GPR75: variants seen among roughly 807,000 people sequenced by gnomAD.
GPR75 encodes G protein-coupled receptor 75.
In GPR75, 27 loss-of-function variants were observed where a neutral mutation model predicts 26.0. The observed-to-expected ratio is 1.04, with a 90% CI of 0.77 to 1.43. GPR75 has a LOEUF of 1.43. Among genes scored for constraint, GPR75 ranks in the 40% most tolerant of loss-of-function variants. GPR75 has a pLI of 0.00. For missense variants in GPR75, 699 were observed against 662.3 expected (o/e 1.06, Z -0.61); for synonymous variants, 285 against 256.3 (o/e 1.11, Z -1.07).
intron 1 of GPR75, among the ~76,000 whole-genome samples, chr2:53,856,946 A>ATTTTTTTTTTTTTTTTT (rs10665107): frequency 2.5e-5 from 2 of 78,928 alleles, no homozygotes; most frequent in African/African-American, 5.0e-5. Context: ...GAGAAAGACA[A>ATTTTTTTTTTTTTTTTT]TTTTTTTTTT....
chr2:53,856,926 C>G (rs896891489), intron 1 of GPR75, among the ~76,000 whole-genome samples: 3 of 146,136 alleles, frequency 2.1e-5, no homozygotes, highest in African/African-American at 7.5e-5. Flanking sequence ...ACTTTTGATA[C>G]CTATATAATG....
Position 53,853,087 on chromosome 2 carries a change from A to G in GPR75, c.*47T>C. ...TCAAGTTAGAATAAAGTCCATTACT[A>G]TCAGAAACAAAAACTGTTTACATAA... On this transcript the variant is annotated 3_prime_UTR_variant, in exon 2 of 2. Transcript: ENST00000394705. 7.3e-7 allele frequency: 1 copy of G among 1,378,658 alleles called. No homozygotes were observed. Among genetic ancestry groups the G allele is most frequent in the Non-Finnish European group, 1.0e-6 (1 of 991,022 alleles). 85.4% of individuals were successfully genotyped at this position (1,378,658 alleles called of 1,614,324 possible). A position where few individuals can be genotyped will look rare whatever the true frequency, so the allele number is the denominator to read the frequency against.
chr2:53,854,782 C>G lies in GPR75; in HGVS notation c.-26G>C. On this transcript the variant is annotated 5_prime_UTR_variant, in exon 2 of 2. Transcript: ENST00000394705. ...TTTCGGAGAGAAATGTCTCCTTCTTCTGCTCCCCAAAAATACTCAGTGAGT... is the reference window on the plus strand; with the variant it reads ...TTTCGGAGAGAAATGTCTCCTTCTTGTGCTCCCCAAAAATACTCAGTGAGT... 1 of 1,587,064 alleles carries G rather than the reference C, an allele frequency of 6.3e-7. No individual in the cohort carries two copies. The highest frequency in any genetic ancestry group is 8.6e-7 in the Non-Finnish European group (1 of 1,162,196).
Position 53,854,095 on chromosome 2 carries a change from G to C in GPR75, c.662C>G (p.Ser221Cys), listed in dbSNP as rs1257326632. ...FTFCVAVVSV[S>C]YIMIAQTLRK... ...CAGGGTCTGAGCAATCATGATGTAA[G>C]AGACAGAGACCACAGCAACACAGAA... is the stretch of plus-strand genomic sequence containing the variant. Residue 221 changes from serine to cysteine, a missense_variant, in exon 2 of 2, where the codon TCT becomes TGT. By Grantham distance (112) the Ser-to-Cys change is moderately radical. Transcript: ENST00000394705. 1.9e-6 allele frequency: 3 copies of C among 1,614,204 alleles called. No individual in the cohort carries two copies. Among genetic ancestry groups the C allele is most frequent in the African/African-American group, 2.7e-5 (2 of 75,048 alleles).
Position 53,853,925 on chromosome 2 carries a change from T to C in GPR75, c.832A>G (p.Asn278Asp). 1 of 1,614,006 alleles carries C rather than the reference T, an allele frequency of 6.2e-7. No individual in the cohort carries two copies. Among genetic ancestry groups the C allele is most frequent in the South Asian group, 1.1e-5 (1 of 91,074 alleles). ...CGGGTCTGAACGTGCTGCAGTTTGT[T>C]GTAATTCTGGTTCCTATACAGAGCC... ...MPALYRNQNY[N>D]KLQHVQTRGY... The change falls in exon 2 of 2, where the codon AAC becomes GAC. Residue 278 changes from asparagine to aspartate, a missense_variant. Asn to Asp is a conservative substitution (Grantham distance 23). Coordinates refer to ENST00000394705, the MANE Select transcript of GPR75 (RefSeq NM_006794.4).
At chr2:53,855,533 A>AG in intron 1 of GPR75, among the ~76,000 whole-genome samples, 1 of 152,128 alleles carries the variant, frequency 6.6e-6, no homozygotes, top group Admixed American at 6.6e-5. Flanking sequence ...AGAGCATGGA[A>AG]GGGGGGAACC....
At chr2:53,856,518 C>T (rs1435646419) in intron 1 of GPR75, among the ~76,000 whole-genome samples, 1 of 152,164 alleles carries the variant, frequency 6.6e-6, no homozygotes, top group South Asian at 2.1e-4. Context: ...GGGGGTACAG[C>T]GGAATGAACC....
chr2:53,854,964 T>C (rs1678190003), intron 1 of GPR75, 99 bp from the exon 2 acceptor site: 2 of 546,580 alleles, frequency 3.7e-6, no homozygotes, highest in Admixed American at 3.2e-5. Flanking sequence ...GTATTAGTAC[T>C]AGTATCTCTC....
rs1229319473 is a variant in GPR75 at position 53,853,658 on chromosome 2, A to G, written c.1099T>C (p.Phe367Leu). The G allele has an allele frequency of 6.2e-7, 1 of 1,614,102 alleles. No homozygotes were observed. The highest frequency in any genetic ancestry group is 8.5e-7 in the Non-Finnish European group (1 of 1,179,954). The change falls in exon 2 of 2, where the codon TTC becomes CTC. Residue 367 changes from phenylalanine to leucine, a missense_variant. Transcript: ENST00000394705. The part of the protein sequence containing the change: ...FELFGFTLIF[F>L]KSGLNPFIYS... ...ATAAAAGGGTTTAATCCTGACTTGAAAAATATAAGAGTAAATCCAAACAAT... is the reference window on the plus strand; with the variant it reads ...ATAAAAGGGTTTAATCCTGACTTGAGAAATATAAGAGTAAATCCAAACAAT...
chr2:53,854,217 G>C lies in GPR75; in HGVS notation c.540C>G (p.Thr180=), dbSNP rs1423181497. 5 of 1,614,004 alleles carry C rather than the reference G, an allele frequency of 3.1e-6. No individual in the cohort carries two copies. Among genetic ancestry groups the C allele is most frequent in the East Asian group, 2.2e-5 (1 of 44,888 alleles). The change falls in exon 2 of 2, where the codon ACC becomes ACG. Residue 180 remains threonine (T), a synonymous_variant. Coordinates refer to ENST00000394705, the MANE Select transcript of GPR75 (RefSeq NM_006794.4). The part of the protein sequence containing the change: ...ATSFTLATLA[T]LKTSKSHLCL... ...AGAGGTGGGACTTGCTGGTTTTCAAGGTAGCCAAGGTGGCAAGGGTGAAAC... is the reference window on the plus strand; with the variant it reads ...AGAGGTGGGACTTGCTGGTTTTCAACGTAGCCAAGGTGGCAAGGGTGAAAC...
At chr2:53,859,495 G>C (rs1678318424) in intron 1 of GPR75, among the ~76,000 whole-genome samples, 1 of 152,064 alleles carries the variant, frequency 6.6e-6, no homozygotes. Flanking sequence ...CGGTGGGTAG[G>C]GGCTTCCCGG....
Position 53,852,928 on chromosome 2 carries a change from A to G in GPR75, c.*206T>C. 1.9e-6 allele frequency: 1 copy of G among 534,224 alleles called. No individual in the cohort carries two copies. The highest frequency in any genetic ancestry group is 3.0e-5 in the South Asian group (1 of 33,168). 33.1% of individuals were successfully genotyped at this position (534,224 alleles called of 1,614,324 possible). On this transcript the variant is annotated 3_prime_UTR_variant, in exon 2 of 2. Transcript: ENST00000394705. ...AGGCAAAGAGCAGGGTAAAAAATCT[A>G]AAACTTTCACATCAAATCTTAAGAT...
At chr2:53,855,132 T>TC (rs1030217888) in intron 1 of GPR75, among the ~76,000 whole-genome samples, 9 of 140,380 alleles carry the variant, frequency 6.4e-5, no homozygotes, top group South Asian at 2.2e-4. Context: ...TCTCTCTCTC[T>TC]TTTTTTTTTT....
In GPR75 at chr2:53,853,124, C is replaced by T; in HGVS notation, c.*10G>A. 2.5e-6 allele frequency: 4 copies of T among 1,602,552 alleles called. No homozygotes were observed. The highest frequency in any genetic ancestry group is 2.2e-5 in the South Asian group (2 of 90,176). On this transcript the variant is annotated 3_prime_UTR_variant, in exon 2 of 2. Coordinates refer to ENST00000394705, the MANE Select transcript of GPR75 (RefSeq NM_006794.4). The stretch of plus-strand genomic sequence containing the variant: ...AACTGTTTACATAAGATCCTATAGC[C>T]TCCATGACTTTAAACGGAGGGGACT...
chr2:53,853,331 T>G lies in GPR75; in HGVS notation c.1426A>C (p.Asn476His), dbSNP rs2104391742. 1 of 1,614,086 alleles carries G rather than the reference T, an allele frequency of 6.2e-7. No homozygotes were observed. Among genetic ancestry groups the G allele is most frequent in the East Asian group, 2.2e-5 (1 of 44,882 alleles). ...HCGQSSSTPI[N>H]TRIEPYYSIY... ...CTGTAGTAAGGTTCAATCCGAGTGT[T>G]GATGGGGGTCGAGCTGCTCTGACCA... The change falls in exon 2 of 2, where the codon AAC becomes CAC. Residue 476 changes from asparagine (N) to histidine (H), a missense_variant. Transcript: ENST00000394705.
At chr2:53,859,284 A>G (rs925849313) in intron 1 of GPR75, among the ~76,000 whole-genome samples, 1 of 152,002 alleles carries the variant, frequency 6.6e-6, no homozygotes, top group Non-Finnish European at 1.5e-5. Context: ...GGGAGGTTAG[A>G]TAACTTCCCC....
intron 1 of GPR75, among the ~76,000 whole-genome samples, chr2:53,856,141 C>T (rs1678220293): frequency 1.3e-5 from 2 of 152,174 alleles, no homozygotes; most frequent in Admixed American, 1.3e-4. Context: ...CTAGGTGCTA[C>T]GATGAGTAAG....
At chr2:53,857,293 A>G (rs1012051683) in intron 1 of GPR75, among the ~76,000 whole-genome samples, 1 of 152,136 alleles carries the variant, frequency 6.6e-6, no homozygotes, top group Non-Finnish European at 1.5e-5. Context: ...TACTGTTTTT[A>G]AAAGTTGCTA....
At chr2:53,857,791 T>C (rs1678271713) in intron 1 of GPR75, among the ~76,000 whole-genome samples, 1 of 152,106 alleles carries the variant, frequency 6.6e-6, no homozygotes, top group African/African-American at 2.4e-5. Context: ...TTGCCCTCAC[T>C]GGTCTCCAAC....
Sources: allele counts gnomAD v4.1 joint callset (sites outside exome capture counted in the v4.1 genomes callset), GRCh38; gene constraint gnomAD v4.1.1; transcripts MANE v1.5; gene names NCBI Gene and HGNC (gene_info 2026-07-23, HGNC 2026-07-21).